The following THNSL1 variants were observed in gnomAD, a reference collection of about 807,000 sequenced individuals.
THNSL1 encodes threonine synthase like 1, also known as threonine synthase-like 1.
Under a neutral mutation model 50.4 loss-of-function variants are expected in THNSL1, and 48 were observed. That is an observed-to-expected ratio of 0.95 (90% CI 0.76 to 1.21). The LOEUF (loss-of-function observed/expected upper bound fraction) is 1.21. Among genes scored for constraint, THNSL1 ranks in the 50% most tolerant of loss-of-function variants. THNSL1 has a pLI of 0.00. For synonymous variants in THNSL1, 309 were observed against 306.1 expected (o/e 1.01, Z -0.10); for missense variants, 896 against 871.7 (o/e 1.03, Z -0.35).
rs1850761175 is a variant in THNSL1 at position 25,023,286 on chromosome 10, A to G, written c.63A>G (p.Ile21Met). The stretch of plus-strand genomic sequence containing the variant: ...TAACACAGAAATGTTTTTCTAGTAT[A>G]CATGTTAAAACGGATAAACATGCAC... ...KKITQKCFSS[I>M]HVKTDKHAQR... The change falls in exon 3 of 3, where the codon ATA becomes ATG. Residue 21 changes from isoleucine (I) to methionine (M), a missense_variant. Ile to Met is a conservative substitution (Grantham distance 10, BLOSUM62 1). Transcript: ENST00000376356. 3.1e-6 allele frequency: 5 copies of G among 1,614,088 alleles called. No homozygotes were observed. The highest frequency in any genetic ancestry group is 2.2e-5 in the South Asian group (2 of 91,044).
chr10:25,020,194 T>C (rs1850688793), intron 1 of THNSL1, among the ~76,000 whole-genome samples: 1 of 151,712 alleles, frequency 6.6e-6, no homozygotes, highest in Non-Finnish European at 1.5e-5. Context: ...GGAAATAATA[T>C]TGATACAGAA....
chr10:25,002,428 A>C, the THNSL1 span, among the ~76,000 whole-genome samples: 1 of 152,232 alleles, frequency 6.6e-6, no homozygotes, highest in East Asian at 1.9e-4. Flanking sequence ...GGAGACTCCT[A>C]GGCTTTGTTT....
chr10:24,952,400 C>CG, the THNSL1 span: 1 of 1,131,912 alleles, frequency 8.8e-7, no homozygotes, highest in Admixed American at 2.1e-5. The surrounding 1 kb of genome is among the most constrained non-coding windows in gnomAD (Gnocchi z 5.1). Flanking sequence ...AAGCGATCCC[C>CG]GCCGGGAGGG....
At chr10:24,956,979 T>C in the THNSL1 span, among the ~76,000 whole-genome samples, 1 of 152,196 alleles carries the variant, frequency 6.6e-6, no homozygotes, top group Non-Finnish European at 1.5e-5. Flanking sequence ...TGATCTGAGA[T>C]GGAACAGTTT....
the THNSL1 span, chr10:24,990,617 G>T: frequency 3.0e-4 from 469 of 1,588,798 alleles, 5 homozygotes; most frequent in South Asian, 4.3e-3. Context: ...ATCCTAAAAA[G>T]ATTTTGCAGA....
the THNSL1 span, among the ~76,000 whole-genome samples, chr10:24,957,826 T>C: frequency 2.0e-5 from 3 of 152,212 alleles, no homozygotes; most frequent in African/African-American, 4.8e-5. Context: ...TCTAGTTTCA[T>C]TCTTCCACAT....
At chr10:24,964,248 C>CA in the THNSL1 span, among the ~76,000 whole-genome samples, 1 of 152,176 alleles carries the variant, frequency 6.6e-6, no homozygotes, top group Non-Finnish European at 1.5e-5. Flanking sequence ...CCTAGAGTAA[C>CA]AGCCTTTATA....
At chr10:24,953,809 G>C in the THNSL1 span, among the ~76,000 whole-genome samples, 2 of 152,184 alleles carry the variant, frequency 1.3e-5, no homozygotes, top group African/African-American at 2.4e-5. Context: ...GTTATCAATC[G>C]GTTAATGACG....
intron 1 of THNSL1, among the ~76,000 whole-genome samples, chr10:25,017,202 T>G (rs1850617656): frequency 6.6e-6 from 1 of 152,222 alleles, no homozygotes; most frequent in Admixed American, 6.5e-5. Flanking sequence ...TACGTTTTTG[T>G]CCAGTTTTTG....
chr10:24,989,879 T>C, the THNSL1 span, among the ~76,000 whole-genome samples: 2 of 152,134 alleles, frequency 1.3e-5, no homozygotes, highest in Non-Finnish European at 2.9e-5. Flanking sequence ...AAGCAGAAAC[T>C]CTTACACCCC....
At chr10:25,007,595 C>T in the THNSL1 span, among the ~76,000 whole-genome samples, 7 of 152,208 alleles carry the variant, frequency 4.6e-5, no homozygotes, top group East Asian at 3.9e-4. Context: ...CCACCACACC[C>T]GGGTAATTTT....
the THNSL1 span, among the ~76,000 whole-genome samples, chr10:24,991,664 C>G: frequency 2.6e-5 from 4 of 152,194 alleles, no homozygotes; most frequent in Non-Finnish European, 4.4e-5. Flanking sequence ...TCTGCTGAAG[C>G]TACTTCCACT....
At chr10:24,975,249 A>G in the THNSL1 span, among the ~76,000 whole-genome samples, 2 of 152,230 alleles carry the variant, frequency 1.3e-5, no homozygotes, top group African/African-American at 4.8e-5. Flanking sequence ...GAATTGCACA[A>G]GATTAAGGTT....
At chr10:24,963,559 G>C in the THNSL1 span, among the ~76,000 whole-genome samples, 1 of 152,254 alleles carries the variant, frequency 6.6e-6, no homozygotes, top group Admixed American at 6.5e-5. Context: ...AACCTGGAAC[G>C]TACAGTTCTG....
chr10:24,975,560 T>C, the THNSL1 span, among the ~76,000 whole-genome samples: 1 of 152,164 alleles, frequency 6.6e-6, no homozygotes, highest in Non-Finnish European at 1.5e-5. Flanking sequence ...CTTTCCCCCA[T>C]GCTGTTATCC....
chr10:25,020,740 CAAAAAA>C (rs36007062), intron 1 of THNSL1, among the ~76,000 whole-genome samples: 1 of 134,024 alleles, frequency 7.5e-6, no homozygotes, highest in South Asian at 2.2e-4. Context: ...GACCCTTTCT[CAAAAAA>C]AAAAAAAAAA....
chr10:24,964,145 A>G, the THNSL1 span, among the ~76,000 whole-genome samples: 1 of 152,232 alleles, frequency 6.6e-6, no homozygotes, highest in Non-Finnish European at 1.5e-5. Context: ...GTAACCATCA[A>G]CAATGTCTTC....
chr10:24,958,698 T>C, the THNSL1 span, among the ~76,000 whole-genome samples: 1 of 152,234 alleles, frequency 6.6e-6, no homozygotes, highest in African/African-American at 2.4e-5. Context: ...TTTGTATTAT[T>C]ACACTTTCGT....
intron 1 of THNSL1, among the ~76,000 whole-genome samples, chr10:25,018,808 A>ATT (rs1180412639): frequency 1.1e-4 from 17 of 152,176 alleles, no homozygotes; most frequent in Non-Finnish European, 2.2e-4. Flanking sequence ...AGAATTGTGG[A>ATT]TACTAAAGTT....
Sources: allele counts gnomAD v4.1 joint callset (sites outside exome capture counted in the v4.1 genomes callset), GRCh38; gene constraint gnomAD v4.1.1; non-coding constraint Gnocchi (gnomAD v3.1); transcripts MANE v1.5; gene names NCBI Gene and HGNC (gene_info 2026-07-23, HGNC 2026-07-21).